ARL15: variants seen among roughly 807,000 people sequenced by gnomAD.
ARL15 encodes the protein ADP-ribosylation factor-like protein 15.
ARL15 carries 19 observed loss-of-function variants against 25.2 expected under a neutral mutation model. The observed-to-expected ratio is 0.75, with a 90% confidence interval of 0.53 to 1.10. The LOEUF is 1.10. Among genes scored for constraint, ARL15 ranks in the 50% least tolerant of loss-of-function variants. The pLI is 0.00. For missense variants in ARL15, 220 were observed against 246.0 expected, an observed-to-expected ratio of 0.89 and a Z score of 0.71; for synonymous variants, 94 against 86.8, an observed-to-expected ratio of 1.08 and a Z score of -0.46.
At chr5:54,068,720 C>A (rs777417074) in intron 4 of ARL15, among the ~76,000 whole-genome samples, 5 of 152,188 alleles carry the variant, frequency 3.3e-5, no homozygotes, top group Non-Finnish European at 7.3e-5. Context: ...AATTGAAATG[C>A]TTATCAGGGT....
intron 4 of ARL15, among the ~76,000 whole-genome samples, chr5:54,110,316 C>T (rs1752703297): frequency 6.6e-6 from 1 of 152,002 alleles, no homozygotes; most frequent in African/African-American, 2.4e-5. Flanking sequence ...CTTCTAAAGT[C>T]AACAGTATCC....
intron 1 of ARL15, among the ~76,000 whole-genome samples, chr5:54,240,837 G>GA (rs1408242541): frequency 6.6e-6 from 1 of 152,152 alleles, no homozygotes; most frequent in Non-Finnish European, 1.5e-5. Flanking sequence ...GACACTCAAA[G>GA]AAAGTGTTCA....
At chr5:53,908,825 G>A (rs529597277) in intron 4 of ARL15, among the ~76,000 whole-genome samples, 1 of 152,288 alleles carries the variant, frequency 6.6e-6, no homozygotes, top group South Asian at 2.1e-4. Flanking sequence ...TTCGAGCATT[G>A]ACTTTTGAGA....
intron 3 of ARL15, among the ~76,000 whole-genome samples, chr5:54,116,581 A>G (rs960904816): frequency 2.0e-5 from 3 of 152,230 alleles, no homozygotes; most frequent in Admixed American, 6.5e-5. Flanking sequence ...CACATAGCCA[A>G]CTAATGCCCA....
At chr5:54,129,716 C>A (rs987055903) in intron 3 of ARL15, among the ~76,000 whole-genome samples, 15 of 152,144 alleles carry the variant, frequency 9.9e-5, no homozygotes, top group Admixed American at 3.3e-4. Flanking sequence ...CAAGGAAAGT[C>A]TGATGAACGC....
intron 4 of ARL15, among the ~76,000 whole-genome samples, chr5:54,064,535 T>C (rs896510845): frequency 1.3e-5 from 2 of 152,230 alleles, no homozygotes; most frequent in African/African-American, 4.8e-5. Flanking sequence ...AAAGGCAGCA[T>C]TGCATCAGTC....
At chr5:54,270,271 T>C (rs1441897391) in intron 1 of ARL15, among the ~76,000 whole-genome samples, 3 of 152,014 alleles carry the variant, frequency 2.0e-5, no homozygotes, top group Non-Finnish European at 4.4e-5. Flanking sequence ...CATCATATTT[T>C]GAGTTTTTCC....
At chr5:54,091,670 C>T (rs1393146159) in intron 4 of ARL15, among the ~76,000 whole-genome samples, 5 of 152,000 alleles carry the variant, frequency 3.3e-5, no homozygotes, top group Non-Finnish European at 7.4e-5. Flanking sequence ...AACTGACAGT[C>T]GGGCTTGTGC....
At chr5:54,204,542 C>T (rs1755812563) in intron 1 of ARL15, among the ~76,000 whole-genome samples, 1 of 152,170 alleles carries the variant, frequency 6.6e-6, no homozygotes, top group African/African-American at 2.4e-5. Flanking sequence ...ACATTAACTC[C>T]AGACTGTGGC....
intron 4 of ARL15, among the ~76,000 whole-genome samples, chr5:53,888,982 C>T (rs1020775159): frequency 1.3e-5 from 2 of 152,036 alleles, no homozygotes; most frequent in South Asian, 4.2e-4. Context: ...ATAATGCTTC[C>T]CATCAGATGA....
intron 2 of ARL15, among the ~76,000 whole-genome samples, chr5:54,162,810 T>G (rs903625344): frequency 1.1e-4 from 17 of 152,214 alleles, no homozygotes; most frequent in Non-Finnish European, 2.5e-4. Context: ...AGTTGTCGAT[T>G]CAATTAAATT....
rs1480762168 is a variant in ARL15 at position 53,885,848 on chromosome 5, G to GCA, written c.*711_*712dup. ...GAATCAATCAAATACAGTCTGTGAT[G>GCA]CATGCATTGTACCTAAATTTCCTCT... On this transcript the variant is annotated 3_prime_UTR_variant, in exon 5 of 5. Transcript: ENST00000504924. 1 of 152,050 alleles carries GCA rather than the reference G, an allele frequency of 6.6e-6. No homozygotes were observed. The highest frequency in any genetic ancestry group is 1.5e-5 in the Non-Finnish European group (1 of 68,014). The allele number at this position is 152,050 out of a possible 1,614,324, so 9.4% of individuals were successfully genotyped here.
rs115072371 is a variant in ARL15 at position 54,167,961 on chromosome 5, G to T, written c.193+3823C>A. The stretch of plus-strand genomic sequence containing the variant: ...GGCCTTTCTCAGACTTTAGACTTAC[G>T]TTTACCTTATTTGACTGGTTCTTTT... On this transcript the variant is annotated intron_variant, in intron 2 of 4. Coordinates refer to ENST00000504924, the MANE Select transcript of ARL15 (RefSeq NM_019087.3). Among the ~76,000 whole-genome samples, 440 of 152,124 alleles carry T rather than the reference G, an allele frequency of 2.9e-3. 4 individuals carry two copies. Among genetic ancestry groups the T allele is most frequent in the African/African-American group, 9.9e-3 (409 of 41,504 alleles).
intron 1 of ARL15, among the ~76,000 whole-genome samples, chr5:54,248,100 G>A (rs917937998): frequency 1.3e-5 from 2 of 152,092 alleles, no homozygotes; most frequent in Non-Finnish European, 2.9e-5. Context: ...ATCAAAAATG[G>A]AGGGCTTCTA....
At chr5:54,066,148 G>A (rs1751224228) in intron 4 of ARL15, among the ~76,000 whole-genome samples, 1 of 152,112 alleles carries the variant, frequency 6.6e-6, no homozygotes, top group African/African-American at 2.4e-5. Context: ...CTAGTGTCAG[G>A]GGAGGAATGA....
At chr5:54,128,846 C>G (rs1228130420) in intron 3 of ARL15, among the ~76,000 whole-genome samples, 1 of 151,770 alleles carries the variant, frequency 6.6e-6, no homozygotes, top group African/African-American at 2.4e-5. Context: ...GCTGGGACTA[C>G]AGATGAGTGC....
intron 1 of ARL15, among the ~76,000 whole-genome samples, chr5:54,241,294 A>T (rs1756948908): frequency 6.6e-6 from 1 of 152,176 alleles, no homozygotes; most frequent in Non-Finnish European, 1.5e-5. Context: ...TCCCTAATCC[A>T]GATTACCAGA....
intron 4 of ARL15, among the ~76,000 whole-genome samples, chr5:54,107,368 T>C (rs1394161919): frequency 6.6e-6 from 1 of 151,958 alleles, no homozygotes; most frequent in Non-Finnish European, 1.5e-5. Flanking sequence ...TAAGCATAAG[T>C]GAGTGAAGAA....
chr5:54,049,152 T>C lies in ARL15; in HGVS notation c.462+64050A>G, dbSNP rs139402107. On this transcript the variant is annotated intron_variant, in intron 4 of 4. Transcript: ENST00000504924. ...TGTGCTCAGAATTAGTACTTTGATTTCAAAAGTAACTGCCTATAATGTCTA... is the reference window on the plus strand; with the variant it reads ...TGTGCTCAGAATTAGTACTTTGATTCCAAAAGTAACTGCCTATAATGTCTA... Among the ~76,000 whole-genome samples the C allele has an allele frequency of 8.5e-5, 13 of 152,256 alleles. 1 individual carries two copies. The East Asian group carries it at 2.5e-3, about 29-fold the overall frequency.
Sources: gnomAD v4.1 joint callset for allele counts (sites outside exome capture counted in the v4.1 genomes callset) on GRCh38, gnomAD v4.1.1 for gene constraint, MANE v1.5 for transcripts, NCBI Gene and HGNC (gene_info 2026-07-23, HGNC 2026-07-21) for gene names.